The following PDGFD variants were observed in gnomAD, a reference collection of about 807,000 sequenced individuals.
PDGFD encodes the protein platelet derived growth factor D.
PDGFD carries 30 observed loss-of-function variants against 44.7 expected under a neutral mutation model. The ratio of observed to expected loss-of-function variants is 0.67; its 90% CI spans 0.50 to 0.91. PDGFD has a LOEUF of 0.91. Ranked by LOEUF, PDGFD falls within the 40% of genes least tolerant of loss-of-function variation. The pLI, the probability that PDGFD is intolerant of heterozygous loss-of-function variation, is 0.00. For synonymous variants in PDGFD, 173 were observed against 168.4 expected (o/e 1.03, Z -0.21); for missense variants, 445 against 457.8 (o/e 0.97, Z 0.25).
In PDGFD at chr11:104,163,880, G is replaced by A. The variant is rs772390529; in HGVS notation, c.48C>T (p.Cys16=). 6.3e-7 allele frequency: 1 copy of A among 1,577,030 alleles called. No homozygotes were observed. The highest frequency in any genetic ancestry group is 8.7e-7 in the Non-Finnish European group (1 of 1,152,868). The change falls in exon 1 of 7, where the codon TGC becomes TGT. Residue 16 remains cysteine, a synonymous_variant. Transcript: ENST00000393158. ...FVYTLICANF[C]SCRDTSATPQ... The stretch of plus-strand genomic sequence containing the variant: ...GGGTTGCAGAAGTGTCCCGACAGCT[G>A]CAAAAGTTTGCGCAGATTAGAGTGT...
rs933133855 is a variant in PDGFD, at chr11:103,916,739, C to T, written c.988-6920G>A. ...TAAAGAAAACATGGCACATATACAC[C>T]ATGAAATACTATGCAGCCATAAAAA... On this transcript the variant is annotated intron_variant, in intron 6 of 6. Transcript: ENST00000393158. 7.9e-5 allele frequency among the ~76,000 whole-genome samples: 12 copies of T among 152,078 alleles called. 1 individual carries two copies. Among genetic ancestry groups the T allele is most frequent in the African/African-American group, 2.9e-4 (12 of 41,396 alleles).
chr11:104,035,145 A>C (rs920721580), intron 1 of PDGFD, among the ~76,000 whole-genome samples: 1 of 151,690 alleles, frequency 6.6e-6, no homozygotes, highest in African/African-American at 2.4e-5. Flanking sequence ...TCCTTAATGA[A>C]TTTTCCTACA....
chr11:104,156,913 C>A (rs973754729), intron 1 of PDGFD, among the ~76,000 whole-genome samples: 2 of 152,206 alleles, frequency 1.3e-5, no homozygotes, highest in African/African-American at 4.8e-5. Flanking sequence ...AACATTTCTG[C>A]TGCACCTCTG....
intron 1 of PDGFD, among the ~76,000 whole-genome samples, chr11:104,134,153 A>G (rs956386477): frequency 6.6e-6 from 1 of 152,216 alleles, no homozygotes; most frequent in Non-Finnish European, 1.5e-5. Flanking sequence ...AGCTGTGTGT[A>G]TATTACCAAA....
chr11:103,967,756 C>T (rs1302687231), intron 3 of PDGFD, among the ~76,000 whole-genome samples: 1 of 152,162 alleles, frequency 6.6e-6, no homozygotes, highest in Admixed American at 6.6e-5. Context: ...TGCCTTTCTT[C>T]CACCCATATC....
At chr11:103,940,043 T>C (rs1176488682) in intron 5 of PDGFD, among the ~76,000 whole-genome samples, 1 of 152,116 alleles carries the variant, frequency 6.6e-6, no homozygotes, top group African/African-American at 2.4e-5. Flanking sequence ...CAATACTTGG[T>C]AATTTTATCT....
intron 1 of PDGFD, chr11:104,038,163 C>A: frequency 2.6e-6 from 2 of 760,026 alleles, no homozygotes; most frequent in Non-Finnish European, 4.3e-6. Context: ...TAACTAACGT[C>A]AATCCTGATT....
chr11:104,001,114 A>G (rs1377004254), intron 1 of PDGFD, among the ~76,000 whole-genome samples: 1 of 152,188 alleles, frequency 6.6e-6, no homozygotes, highest in Non-Finnish European at 1.5e-5. Context: ...ATGACATTCA[A>G]CCTGATCTCT....
chr11:104,006,197 AG>A (rs1859699278), intron 1 of PDGFD, among the ~76,000 whole-genome samples: 1 of 152,202 alleles, frequency 6.6e-6, no homozygotes, highest in South Asian at 2.1e-4. Flanking sequence ...GGAGTCTGTT[AG>A]GAATGTAAAT....
Position 104,030,170 on chromosome 11 carries a change from T to C in PDGFD, c.125-29915A>G, listed in dbSNP as rs1860103157. 3.3e-5 allele frequency among the ~76,000 whole-genome samples: 5 copies of C among 152,266 alleles called. No homozygotes were observed. In the South Asian group the frequency reaches 1.0e-3, roughly 31 times the overall value. ...GTCCCATTTTAAAGACATCTCATTA[T>C]GTATAAGCGAATATTCCAAAACTTC... On this transcript the variant is annotated intron_variant, in intron 1 of 6. Coordinates refer to ENST00000393158, the MANE Select transcript of PDGFD (RefSeq NM_025208.5).
At chr11:103,931,665 T>C (rs983139964) in intron 5 of PDGFD, among the ~76,000 whole-genome samples, 4 of 152,070 alleles carry the variant, frequency 2.6e-5, no homozygotes, top group Middle Eastern at 3.2e-3. Context: ...CAGCTCACCA[T>C]AACTTCCGCC....
At chr11:104,063,310 G>A (rs531604730) in intron 1 of PDGFD, among the ~76,000 whole-genome samples, 1 of 151,604 alleles carries the variant, frequency 6.6e-6, no homozygotes, top group Non-Finnish European at 1.5e-5. Flanking sequence ...TTTTAGACGT[G>A]TGTGTGTGTG....
chr11:104,034,966 GA>G (rs1835882598), intron 1 of PDGFD, among the ~76,000 whole-genome samples: 1 of 152,038 alleles, frequency 6.6e-6, no homozygotes, highest in Admixed American at 6.6e-5. Context: ...TAAACATAGA[GA>G]AAAATAACTG....
At chr11:104,013,250 C>T (rs1172633960) in intron 1 of PDGFD, among the ~76,000 whole-genome samples, 1 of 152,106 alleles carries the variant, frequency 6.6e-6, no homozygotes, top group African/African-American at 2.4e-5. Flanking sequence ...TCAATAAAAC[C>T]TCCACATTCA....
At chr11:103,955,821 T>G (rs913131051) in intron 3 of PDGFD, among the ~76,000 whole-genome samples, 1 of 152,060 alleles carries the variant, frequency 6.6e-6, no homozygotes, top group Non-Finnish European at 1.5e-5. Context: ...ATAAGAAATA[T>G]AGATAAGACA....
chr11:104,102,749 T>A (rs926125210), intron 1 of PDGFD, among the ~76,000 whole-genome samples: 1 of 151,982 alleles, frequency 6.6e-6, no homozygotes, highest in African/African-American at 2.4e-5. Context: ...TATGCAGCCA[T>A]AAAAAAGGAT....
At chr11:104,078,265 G>A (rs753959694) in intron 1 of PDGFD, among the ~76,000 whole-genome samples, 2 of 152,126 alleles carry the variant, frequency 1.3e-5, no homozygotes, top group South Asian at 4.1e-4. Context: ...ATACAACAGC[G>A]GCATTAACTC....
intron 5 of PDGFD, 149 bp downstream of exon 5, chr11:103,943,303 G>A (rs1342255600): frequency 1.4e-6 from 1 of 710,648 alleles, no homozygotes; most frequent in Non-Finnish European, 2.3e-6. Context: ...TACTGAGCCA[G>A]CAAGTATAAA....
Position 104,119,050 on chromosome 11 carries a change from G to A in PDGFD, c.124+44754C>T, listed in dbSNP as rs1344353397. On this transcript the variant is annotated intron_variant, in intron 1 of 6. Transcript: ENST00000393158. ...ATATCGATATAATATATAATATATT[G>A]ATATATTAATATAATATATTGGTAT... 7.7e-4 allele frequency among the ~76,000 whole-genome samples: 6 copies of A among 7,830 alleles called. 2 individuals are homozygous for A. The highest frequency in any genetic ancestry group is 3.2e-3 in the African/African-American group (6 of 1,880). The allele number at this position is 7,830 out of a possible 152,430, so 5.1% of individuals were successfully genotyped here.
Sources: allele counts gnomAD v4.1 joint callset (sites outside exome capture counted in the v4.1 genomes callset), GRCh38; gene constraint gnomAD v4.1.1; transcripts MANE v1.5; gene names NCBI Gene and HGNC (gene_info 2026-07-23, HGNC 2026-07-21).